Variants in TG observed in about 807,000 individuals in gnomAD.
TG encodes thyroid hormones.
A neutral mutation model predicts 324.7 loss-of-function variants in TG; 270 were observed. That is an observed-to-expected ratio of 0.83 (90% confidence interval 0.75 to 0.92). TG has a LOEUF of 0.92. Ranked by LOEUF, TG falls within the 40% of genes least tolerant of loss-of-function variation. The probability of loss-of-function intolerance (pLI) is 0.00; values close to 1 mark genes in which losing one functional copy is unlikely to be tolerated. For missense variants in TG, 3,591 were observed against 3,456.4 expected (o/e 1.04, Z -0.98); for synonymous variants, 1,401 against 1,327.0 (o/e 1.06, Z -1.21).
intron 27 of TG, among the ~76,000 whole-genome samples, chr8:132,951,698 C>T (rs1826121786): frequency 6.6e-6 from 1 of 152,142 alleles, no homozygotes; most frequent in South Asian, 2.1e-4. Context: ...CTTGATACTC[C>T]AAATTGGAGG....
At chr8:133,084,555 TG>T (rs1386814951) in intron 41 of TG, among the ~76,000 whole-genome samples, 2 of 152,210 alleles carry the variant, frequency 1.3e-5, no homozygotes, top group African/African-American at 4.8e-5. Flanking sequence ...AGCATTTAAA[TG>T]GCTTCTGACA....
chr8:133,055,817 C>T (rs1211505416), intron 41 of TG, among the ~76,000 whole-genome samples: 1 of 147,484 alleles, frequency 6.8e-6, no homozygotes, highest in Non-Finnish European at 1.5e-5. Context: ...CCTCCCCCTC[C>T]TCATCACCAG....
At chr8:132,891,883 G>A (rs1171047162) in intron 10 of TG, among the ~76,000 whole-genome samples, 1 of 152,192 alleles carries the variant, frequency 6.6e-6, no homozygotes, top group Non-Finnish European at 1.5e-5. Flanking sequence ...CCCCACTGTT[G>A]AATTCACAAT....
chr8:132,869,573 C>A (rs1563884243), intron 2 of TG, among the ~76,000 whole-genome samples, 156 bp from the exon 3 acceptor site: 2 of 152,190 alleles, frequency 1.3e-5, no homozygotes, highest in Non-Finnish European at 1.5e-5. Flanking sequence ...TTTCCTTTCC[C>A]AGGTCAGCCA....
chr8:132,926,265 C>T (rs1443377876), intron 22 of TG, among the ~76,000 whole-genome samples: 4 of 152,242 alleles, frequency 2.6e-5, no homozygotes, highest in Admixed American at 2.6e-4. Context: ...TTTGTTCAGG[C>T]TTCTGCTGTT....
chr8:133,096,088 C>A, intron 42 of TG, 118 bp from the exon 43 acceptor site: 1 of 1,311,088 alleles, frequency 7.6e-7, no homozygotes, highest in South Asian at 1.2e-5. Flanking sequence ...GTCACTTTTT[C>A]TCAGTAGAGT....
At chr8:132,969,176 T>A (rs1829099678) in intron 31 of TG, among the ~76,000 whole-genome samples, 1 of 152,148 alleles carries the variant, frequency 6.6e-6, no homozygotes, top group Non-Finnish European at 1.5e-5. Context: ...CACAGAAAAG[T>A]TGAGTAGTTT....
At chr8:132,935,984 C>A (rs1563975873) in intron 25 of TG, 120 bp downstream of exon 25, 1 of 780,160 alleles carries the variant, frequency 1.3e-6, no homozygotes, top group East Asian at 2.7e-5. Flanking sequence ...CACTCCACAC[C>A]CTCAGTCTGG....
intron 41 of TG, chr8:133,060,215 A>G (rs779427041): frequency 1.2e-6 from 2 of 1,612,994 alleles, no homozygotes; most frequent in Non-Finnish European, 1.7e-6. Context: ...GGTATAGGAG[A>G]CAGACGGGGA....
At chr8:133,001,800 A>G (rs1233178953) in intron 35 of TG, 2 of 985,484 alleles carry the variant, frequency 2.0e-6, no homozygotes, top group African/African-American at 3.5e-5. Context: ...TGGGGGCCTG[A>G]AAGACTTTTC....
In TG at chr8:132,866,964, T is replaced by G; in HGVS notation, c.-37T>G. The G allele has an allele frequency of 6.5e-7, 1 of 1,537,394 alleles. No homozygotes were observed. The highest frequency in any genetic ancestry group is 8.9e-7 in the Non-Finnish European group (1 of 1,128,738). Reference sequence around the variant, plus strand: ...TGGCCAGGGGACCTAGGGCAAGCAGTGGTTTCTCCTCCTTCCTCCCAGGAA... The same window carrying G: ...TGGCCAGGGGACCTAGGGCAAGCAGGGGTTTCTCCTCCTTCCTCCCAGGAA... On this transcript the variant is annotated 5_prime_UTR_variant, in exon 1 of 48. Transcript: ENST00000220616.
Position 132,972,569 on chromosome 8 carries a change from G to GTTTT in TG, c.6056-26_6056-23dup, listed in dbSNP as rs150963971. 2,040 of 1,452,828 alleles carry GTTTT rather than the reference G, an allele frequency of 1.4e-3. 232 individuals carry two copies. Among genetic ancestry groups the GTTTT allele is most frequent in the African/African-American group, 4.2e-3 (278 of 65,980 alleles). The allele number at this position is 1,452,828 out of a possible 1,614,324, so 90.0% of individuals were successfully genotyped here. A position where few individuals can be genotyped will look rare whatever the true frequency, so the allele number is the denominator to read the frequency against. On this transcript the variant is annotated intron_variant, in intron 33 of 47. Transcript: ENST00000220616. ...CATTGTACTCAGTTTCCTGATTGTG[G>GTTTT]TTTTTTGTTTTTTTTTTTTCCACCC...
At chr8:132,883,117 C>A in intron 8 of TG, 118 bp downstream of exon 8, 1 of 1,092,064 alleles carries the variant, frequency 9.2e-7, no homozygotes, top group Non-Finnish European at 1.3e-6. Context: ...CCCCTCTGGC[C>A]CTTCAAGCTC....
chr8:133,069,538 A>G (rs572982915), intron 41 of TG, among the ~76,000 whole-genome samples: 40 of 152,262 alleles, frequency 2.6e-4, no homozygotes, highest in African/African-American at 8.4e-4. Flanking sequence ...AGGAAAGCCA[A>G]TTGCCTTAGG....
intron 5 of TG, among the ~76,000 whole-genome samples, chr8:132,874,539 C>G (rs571875009): frequency 6.6e-6 from 1 of 152,302 alleles, no homozygotes; most frequent in South Asian, 2.1e-4. Context: ...CTCTCTTTGG[C>G]TGGTTTCCAA....
rs1804533139 is a variant in TG at position 132,888,022 on chromosome 8, C to T, written c.2215C>T (p.Leu739Phe). 1 of 1,614,160 alleles carries T rather than the reference C, an allele frequency of 6.2e-7. No individual in the cohort carries two copies. The highest frequency in any genetic ancestry group is 8.5e-7 in the Non-Finnish European group (1 of 1,180,032). Residue 739 changes from leucine to phenylalanine, a missense_variant, in exon 10 of 48, where the codon CTC becomes TTC. Transcript: ENST00000220616. ...TCAATTACAGTCTGAGCAAGCTTTCCTCAGGACGGTGCAGGCCCTGCTCTC... is the reference window on the plus strand; with the variant it reads ...TCAATTACAGTCTGAGCAAGCTTTCTTCAGGACGGTGCAGGCCCTGCTCTC... ...PCQLQSEQAF[L>F]RTVQALLSNS...
chr8:133,125,805 G>A (rs1851473024), intron 45 of TG, among the ~76,000 whole-genome samples: 1 of 152,122 alleles, frequency 6.6e-6, no homozygotes, highest in Admixed American at 6.5e-5. Context: ...TGAAGGTGCA[G>A]AGGGAAAAAA....
intron 41 of TG, among the ~76,000 whole-genome samples, chr8:133,091,889 C>G (rs1046578507): frequency 1.3e-5 from 2 of 151,508 alleles, no homozygotes; most frequent in African/African-American, 2.4e-5. Context: ...GAGTGTGTCT[C>G]TATCTATGAC....
chr8:132,917,535 G>A (rs886546403), intron 20 of TG, among the ~76,000 whole-genome samples: 1 of 152,092 alleles, frequency 6.6e-6, no homozygotes, highest in African/African-American at 2.4e-5. Flanking sequence ...GGGGAATGGG[G>A]TGTGTGGGAA....
Sources: gnomAD v4.1 joint callset for allele counts (sites outside exome capture counted in the v4.1 genomes callset) on GRCh38, gnomAD v4.1.1 for gene constraint, MANE v1.5 for transcripts, NCBI Gene and HGNC (gene_info 2026-07-23, HGNC 2026-07-21) for gene names.